The following SDHC variants were observed in gnomAD, a reference collection of about 807,000 sequenced individuals.
SDHC encodes the protein succinate dehydrogenase complex subunit C, also known as succinate dehydrogenase cytochrome b560 subunit, mitochondrial.
Under a neutral mutation model 22.6 loss-of-function variants are expected in SDHC, and 11 were observed. The observed-to-expected ratio is 0.49, with a 90% CI of 0.31 to 0.81. The LOEUF (loss-of-function observed/expected upper bound fraction) is 0.81, where lower values mean the gene tolerates loss of function less well. Ranked by LOEUF, SDHC falls within the 30% of genes least tolerant of loss-of-function variation. SDHC has a pLI of 0.05. For missense variants in SDHC, 160 were observed against 212.0 expected, an observed-to-expected ratio of 0.75 and a Z score of 1.52; for synonymous variants, 80 against 77.8, an observed-to-expected ratio of 1.03 and a Z score of -0.15.
intron 1 of SDHC, among the ~76,000 whole-genome samples, chr1:161,319,128 G>A (rs1365227965): frequency 6.6e-6 from 1 of 152,182 alleles, no homozygotes; most frequent in Admixed American, 6.5e-5. Flanking sequence ...GGCTGAGGCA[G>A]GAGAATCGCT....
At chr1:161,338,878 A>G (rs1049470394) in intron 3 of SDHC, among the ~76,000 whole-genome samples, 3 of 151,930 alleles carry the variant, frequency 2.0e-5, no homozygotes, top group Non-Finnish European at 4.4e-5. Flanking sequence ...AGATGGAGTC[A>G]CCCTCTGTCG....
chr1:161,333,526 C>T (rs76603937), intron 3 of SDHC, among the ~76,000 whole-genome samples: 1 of 151,922 alleles, frequency 6.6e-6, no homozygotes, highest in Non-Finnish European at 1.5e-5. Context: ...TGCCTCAGCC[C>T]CCAAGTAGCT....
intron 4 of SDHC, among the ~76,000 whole-genome samples, chr1:161,349,012 A>G (rs1257449938): frequency 1.3e-5 from 2 of 152,202 alleles, no homozygotes; most frequent in Non-Finnish European, 2.9e-5. Context: ...AAAACATACA[A>G]CATAAAGCAT....
chr1:161,328,007 A>AATTT (rs1258472271), intron 2 of SDHC, among the ~76,000 whole-genome samples: 2 of 138,288 alleles, frequency 1.4e-5, no homozygotes, highest in African/African-American at 2.7e-5. Context: ...GATACTGCAA[A>AATTT]TTTTTTTTTT....
At chr1:161,316,885 A>G (rs1022639597) in intron 1 of SDHC, among the ~76,000 whole-genome samples, 6 of 152,206 alleles carry the variant, frequency 3.9e-5, no homozygotes, top group African/African-American at 1.4e-4. Flanking sequence ...TGGACAAGTC[A>G]AGGTCATTGA....
chr1:161,321,415 G>C (rs1272046217), intron 1 of SDHC, among the ~76,000 whole-genome samples: 5 of 152,156 alleles, frequency 3.3e-5, no homozygotes, highest in Admixed American at 3.3e-4. Flanking sequence ...AGTTTACATT[G>C]ATATTTGTCT....
In SDHC at chr1:161,316,627, A is replaced by G. The variant is rs16832810; in HGVS notation, c.20+2202A>G. On this transcript the variant is annotated intron_variant, in intron 1 of 5. Coordinates refer to ENST00000367975, the MANE Select transcript of SDHC (RefSeq NM_003001.5). ...ATAGTCCACACTAGGATTCAATGCC[A>G]AGAAAGGTATATTTTTCATTAGTGG... Among the ~76,000 whole-genome samples the G allele has an allele frequency of 5.1e-3, 770 of 152,330 alleles. 17 individuals carry two copies. The South Asian group carries it at 0.055, about 11-fold the overall frequency.
chr1:161,317,566 T>G (rs1401277980), intron 1 of SDHC, among the ~76,000 whole-genome samples: 65 of 132,928 alleles, frequency 4.9e-4, no homozygotes, highest in Non-Finnish European at 8.9e-4. Context: ...TTTTTTTTTT[T>G]TTTTTTTTTT....
intron 4 of SDHC, among the ~76,000 whole-genome samples, chr1:161,345,952 C>A (rs1396738799): frequency 6.6e-6 from 1 of 151,880 alleles, no homozygotes; most frequent in East Asian, 1.9e-4. Context: ...ATTACAGGCA[C>A]CCACTACCAT....
intron 4 of SDHC, among the ~76,000 whole-genome samples, chr1:161,344,423 C>T (rs962550458): frequency 6.6e-6 from 1 of 151,806 alleles, no homozygotes; most frequent in African/African-American, 2.4e-5. Flanking sequence ...TGCCACTGCA[C>T]TCCAGCCTGA....
chr1:161,347,601 C>G (rs1392385357), intron 4 of SDHC, among the ~76,000 whole-genome samples: 2 of 150,836 alleles, frequency 1.3e-5, no homozygotes, highest in Non-Finnish European at 1.5e-5. Context: ...GGCGCGGTGG[C>G]TCACACCTGT....
intron 3 of SDHC, among the ~76,000 whole-genome samples, chr1:161,328,843 T>C (rs534296723): frequency 6.6e-5 from 10 of 152,220 alleles, no homozygotes; most frequent in Admixed American, 4.6e-4. Context: ...AGAGTTCCCA[T>C]ATACCTTTAT....
At chr1:161,335,169 G>T (rs766984736) in intron 3 of SDHC, among the ~76,000 whole-genome samples, 63 of 152,070 alleles carry the variant, frequency 4.1e-4, no homozygotes, top group Admixed American at 3.3e-4. Flanking sequence ...TTTTTGGCAG[G>T]AATACCCCTG....
At chr1:161,324,794 G>A (rs1301664837) in intron 2 of SDHC, among the ~76,000 whole-genome samples, 1 of 152,088 alleles carries the variant, frequency 6.6e-6, no homozygotes, top group Non-Finnish European at 1.5e-5. Flanking sequence ...ACATAATGCA[G>A]TATAATTATA....
chr1:161,339,225 C>T (rs912074968), intron 3 of SDHC, among the ~76,000 whole-genome samples: 8 of 152,056 alleles, frequency 5.3e-5, no homozygotes, highest in South Asian at 2.1e-4. Flanking sequence ...CTCCCCAACC[C>T]GGGCTGGAGT....
chr1:161,336,420 A>C (rs1671483977), intron 3 of SDHC, among the ~76,000 whole-genome samples: 2 of 151,936 alleles, frequency 1.3e-5, no homozygotes, highest in Admixed American at 1.3e-4. Context: ...GCGCCACTGC[A>C]CTGTAGCCTG....
At chr1:161,353,302 A>G (rs748790943) in intron 4 of SDHC, among the ~76,000 whole-genome samples, 1 of 152,106 alleles carries the variant, frequency 6.6e-6, no homozygotes, top group Non-Finnish European at 1.5e-5. Flanking sequence ...CTGTTGTCCT[A>G]TTTGATGCAT....
intron 4 of SDHC, among the ~76,000 whole-genome samples, chr1:161,355,931 C>T (rs1299018157): frequency 6.8e-6 from 1 of 147,590 alleles, no homozygotes; most frequent in Non-Finnish European, 1.5e-5. Flanking sequence ...TTGCAGTGAG[C>T]TGAGATCACG....
chr1:161,348,818 A>G (rs1392399516), intron 4 of SDHC, among the ~76,000 whole-genome samples: 1 of 151,888 alleles, frequency 6.6e-6, no homozygotes, highest in African/African-American at 2.4e-5. Context: ...AGCCTGGGTG[A>G]CAGAGCGAGA....
Sources: allele counts gnomAD v4.1 joint callset (sites outside exome capture counted in the v4.1 genomes callset), GRCh38; gene constraint gnomAD v4.1.1; transcripts MANE v1.5; gene names NCBI Gene and HGNC (gene_info 2026-07-23, HGNC 2026-07-21).